The following AUTS2 variants were observed in gnomAD, a reference collection of about 807,000 sequenced individuals.
AUTS2 encodes the protein autism susceptibility gene 2 protein.
A neutral mutation model predicts 112.4 loss-of-function variants in AUTS2; 17 were observed. That is an observed-to-expected ratio of 0.15 (90% CI 0.10 to 0.23). The LOEUF (loss-of-function observed/expected upper bound fraction) is 0.23, where lower values mean the gene tolerates loss of function less well. Ranked by LOEUF, AUTS2 falls within the 10% of genes least tolerant of loss-of-function variation. The pLI is 1.00. For missense variants in AUTS2, 1,510 were observed against 1,701.6 expected (o/e 0.89, Z 1.98); for synonymous variants, 751 against 702.7 (o/e 1.07, Z -1.09).
intron 5 of AUTS2, among the ~76,000 whole-genome samples, chr7:70,546,228 G>A (rs1163158821): frequency 3.3e-5 from 5 of 152,026 alleles, no homozygotes. Flanking sequence ...TGGATTACTT[G>A]AGGTCAGGAT....
intron 5 of AUTS2, among the ~76,000 whole-genome samples, chr7:70,541,294 G>A (rs1217633609): frequency 6.6e-6 from 1 of 152,142 alleles, no homozygotes; most frequent in Non-Finnish European, 1.5e-5. Context: ...GTGAGAGACT[G>A]TCACAGCCCT....
intron 1 of AUTS2, among the ~76,000 whole-genome samples, chr7:69,731,146 G>A (rs534196270): frequency 1.3e-5 from 2 of 152,152 alleles, no homozygotes; most frequent in African/African-American, 4.8e-5. Context: ...ACAAAAATTA[G>A]CCAGGTGTGG....
intron 6 of AUTS2, among the ~76,000 whole-genome samples, chr7:70,727,907 C>T (rs904382920): frequency 6.6e-6 from 1 of 152,222 alleles, no homozygotes; most frequent in African/African-American, 2.4e-5. Context: ...GCAGGTAATA[C>T]AGTGGAGGAA....
intron 5 of AUTS2, among the ~76,000 whole-genome samples, chr7:70,478,511 A>G (rs1797666921): frequency 1.3e-5 from 2 of 152,134 alleles, no homozygotes; most frequent in Non-Finnish European, 2.9e-5. Flanking sequence ...TCAAAAAACT[A>G]CCACCCAGAA....
intron 1 of AUTS2, among the ~76,000 whole-genome samples, chr7:69,887,260 C>T (rs570226640): frequency 6.6e-6 from 1 of 151,710 alleles, no homozygotes; most frequent in African/African-American, 2.4e-5. Context: ...CTAAAAAATA[C>T]AAAAAATTAG....
At chr7:69,914,303 C>T (rs1795471813) in intron 2 of AUTS2, among the ~76,000 whole-genome samples, 2 of 150,060 alleles carry the variant, frequency 1.3e-5, no homozygotes, top group African/African-American at 4.9e-5. Flanking sequence ...TACATTCCAA[C>T]TTTAATTGGC....
chr7:70,345,959 C>G (rs966513160), intron 4 of AUTS2, among the ~76,000 whole-genome samples: 1 of 152,056 alleles, frequency 6.6e-6, no homozygotes, highest in East Asian at 1.9e-4. Flanking sequence ...TAATCTATGT[C>G]AGAAGTCTAT....
rs1322087215 is a variant in AUTS2, at chr7:70,038,574, A to T, written c.523-79558A>T. On this transcript the variant is annotated intron_variant, in intron 2 of 18. Coordinates refer to ENST00000342771, the MANE Select transcript of AUTS2 (RefSeq NM_015570.4). Reference sequence around the variant, plus strand: ...AAGAATATATCTCAGAGTTATAGGAAATTTGCATGGGTACATGTTTATAAT... The same window carrying T: ...AAGAATATATCTCAGAGTTATAGGATATTTGCATGGGTACATGTTTATAAT... 2.0e-5 allele frequency among the ~76,000 whole-genome samples: 3 copies of T among 152,170 alleles called. No homozygotes were observed. In the East Asian group the frequency reaches 5.8e-4, roughly 29 times the overall value.
intron 2 of AUTS2, among the ~76,000 whole-genome samples, chr7:69,911,016 C>T (rs1437397382): frequency 6.6e-6 from 1 of 152,234 alleles, no homozygotes; most frequent in African/African-American, 2.4e-5. Context: ...ATTCATTTGC[C>T]TCCCACTGGG....
intron 1 of AUTS2, among the ~76,000 whole-genome samples, chr7:69,743,251 G>C (rs1431509667): frequency 6.6e-6 from 1 of 152,142 alleles, no homozygotes; most frequent in Non-Finnish European, 1.5e-5. Flanking sequence ...GACTAGATGG[G>C]TTGACACACA....
chr7:70,062,539 GAC>G (rs1018991532), intron 2 of AUTS2, among the ~76,000 whole-genome samples: 5 of 150,526 alleles, frequency 3.3e-5, no homozygotes, highest in Admixed American at 3.3e-4. Flanking sequence ...GAAGAAATAA[GAC>G]ACATATTTAT....
At chr7:70,105,453 C>T (rs899455517) in intron 2 of AUTS2, among the ~76,000 whole-genome samples, 10 of 151,990 alleles carry the variant, frequency 6.6e-5, no homozygotes, top group African/African-American at 2.4e-5. Context: ...GTGATTGAGT[C>T]TTGCTATGTT....
chr7:69,648,588 T>C (rs1039037794), intron 1 of AUTS2, among the ~76,000 whole-genome samples: 3 of 152,138 alleles, frequency 2.0e-5, no homozygotes, highest in Non-Finnish European at 4.4e-5. Context: ...TTTCATAGTG[T>C]AGTAGAACAG....
intron 17 of AUTS2, 44 bp downstream of exon 17, chr7:70,786,082 C>G: frequency 6.6e-7 from 1 of 1,524,140 alleles, no homozygotes; most frequent in Non-Finnish European, 9.1e-7. Context: ...GACTTTTTAT[C>G]TCCTGTGATC....
At chr7:70,308,114 C>T (rs534974114) in intron 4 of AUTS2, among the ~76,000 whole-genome samples, 1 of 152,294 alleles carries the variant, frequency 6.6e-6, no homozygotes, top group East Asian at 1.9e-4. Context: ...TCTTGCCAAG[C>T]TTTGGTGGTC....
intron 2 of AUTS2, among the ~76,000 whole-genome samples, chr7:70,088,052 A>G (rs1339198516): frequency 6.9e-6 from 1 of 144,950 alleles, no homozygotes; most frequent in Non-Finnish European, 1.5e-5. Context: ...TTTTTTTTCC[A>G]GGTCAGTGTG....
At chr7:70,636,840 G>C (rs1055996958) in intron 5 of AUTS2, among the ~76,000 whole-genome samples, 1 of 151,790 alleles carries the variant, frequency 6.6e-6, no homozygotes, top group African/African-American at 2.4e-5. Context: ...TGGGGGTCTT[G>C]CTATGTTGCC....
intron 4 of AUTS2, among the ~76,000 whole-genome samples, chr7:70,138,188 T>A (rs755485035): frequency 6.6e-6 from 1 of 152,216 alleles, no homozygotes; most frequent in Non-Finnish European, 1.5e-5. Context: ...TTCAATATAT[T>A]CCACTTTTAT....
At chr7:70,651,673 G>C (rs1471116940) in intron 5 of AUTS2, among the ~76,000 whole-genome samples, 2 of 152,300 alleles carry the variant, frequency 1.3e-5, no homozygotes, top group Admixed American at 1.3e-4. Context: ...TCTACTGAGT[G>C]CATATTGCTT....
Sources: gnomAD v4.1 joint callset for allele counts (sites outside exome capture counted in the v4.1 genomes callset) on GRCh38, gnomAD v4.1.1 for gene constraint, MANE v1.5 for transcripts, NCBI Gene and HGNC (gene_info 2026-07-23, HGNC 2026-07-21) for gene names.